COX4I1: variants seen among roughly 807,000 people sequenced by gnomAD.
COX4I1 encodes the protein cytochrome c oxidase subunit 4 isoform 1, mitochondrial.
COX4I1 carries 18 observed loss-of-function variants against 21.7 expected under a neutral mutation model. The ratio of observed to expected loss-of-function variants is 0.83; its 90% CI spans 0.57 to 1.23. The LOEUF is 1.23. COX4I1 is among the 50% of genes most tolerant of loss of function. COX4I1 has a pLI of 0.00. For missense variants in COX4I1, 238 were observed against 220.7 expected, an observed-to-expected ratio of 1.08 and a Z score of -0.50; for synonymous variants, 100 against 81.5, an observed-to-expected ratio of 1.23 and a Z score of -1.23.
intron 3 of COX4I1, 150 bp downstream of exon 3, chr16:85,805,254 C>T (rs551652307): frequency 6.7e-6 from 5 of 743,724 alleles, no homozygotes; most frequent in South Asian, 2.0e-5. Flanking sequence ...GTGCCAGGGC[C>T]CCAGTTTATG....
At chr16:85,805,307 G>C (rs901366486) in intron 3 of COX4I1, 12 of 582,160 alleles carry the variant, frequency 2.1e-5, no homozygotes, top group Non-Finnish European at 3.0e-5. Flanking sequence ...AGGATCTTTT[G>C]CTAGGCCCCC....
At chr16:85,802,277 C>T (rs545147795) in intron 2 of COX4I1, among the ~76,000 whole-genome samples, 1 of 152,330 alleles carries the variant, frequency 6.6e-6, no homozygotes, top group Non-Finnish European at 1.5e-5. Context: ...CTCTCCTGAC[C>T]ATCCTTTCTC....
chr16:85,801,332 C>T (rs1315645113), intron 2 of COX4I1, 54 bp downstream of exon 2: 2 of 1,510,032 alleles, frequency 1.3e-6, no homozygotes, highest in Non-Finnish European at 1.8e-6. Flanking sequence ...CATTTTGCTC[C>T]TGCTGTGTAT....
intron 2 of COX4I1, among the ~76,000 whole-genome samples, 172 bp downstream of exon 2, chr16:85,801,450 A>T (rs1400290094): frequency 6.6e-6 from 1 of 152,196 alleles, no homozygotes. Flanking sequence ...AGTGTTTATA[A>T]GTCAAATTGA....
At chr16:85,805,313 C>T in intron 3 of COX4I1, 1 of 561,458 alleles carries the variant, frequency 1.8e-6, no homozygotes, top group South Asian at 2.3e-5. Context: ...TTTTGCTAGG[C>T]CCCCTTCTCT....
In COX4I1 at chr16:85,799,970, C is replaced by T. The variant is rs1172275645; in HGVS notation, c.-2+218C>T. 1.3e-5 allele frequency: 2 copies of T among 152,212 alleles called. No individual in the cohort carries two copies. Among genetic ancestry groups the T allele is most frequent in the African/African-American group, 2.4e-5 (1 of 41,464 alleles). The allele number at this position is 152,212 out of a possible 1,614,324, so 9.4% of individuals were successfully genotyped here. ...CCCCGAAGTGCCCGGTCCATCTTAC[C>T]CGGTCTCGCAGCGGCTGCGGACCGG... On this transcript the variant is annotated intron_variant, in intron 1 of 4. Transcript: ENST00000253452. The surrounding 1 kb of genome is among the most constrained non-coding windows in gnomAD (Gnocchi z 4.2).
In COX4I1 at chr16:85,804,988, G is replaced by A. The variant is rs201313443; in HGVS notation, c.125G>A (p.Arg42His). The change falls in exon 3 of 5, where the codon CGT (arginine) becomes CAT (histidine). Residue 42 changes from arginine to histidine, a missense_variant. Transcript: ENST00000253452. ...DFSLPAYMDR[R>H]DHPLPEVAHV... Reference sequence around the variant, plus strand: ...TCGCTCCCAGCTTATATGGATCGGCGTGACCACCCCTTGCCGGAGGTGGCC... The same window carrying A: ...TCGCTCCCAGCTTATATGGATCGGCATGACCACCCCTTGCCGGAGGTGGCC... 9 of 1,614,118 alleles carry A rather than the reference G, an allele frequency of 5.6e-6. No individual in the cohort carries two copies. Among genetic ancestry groups the A allele is most frequent in the African/African-American group, 1.3e-5 (1 of 75,038 alleles).
chr16:85,800,395 G>A (rs1389531440), intron 1 of COX4I1, among the ~76,000 whole-genome samples: 1 of 152,202 alleles, frequency 6.6e-6, no homozygotes, highest in African/African-American at 2.4e-5. Context: ...CTCTCCTCAG[G>A]GATTGGAAAT....
intron 2 of COX4I1, 85 bp from the exon 3 acceptor site, chr16:85,804,852 C>G: frequency 7.9e-7 from 1 of 1,257,976 alleles, no homozygotes; most frequent in Non-Finnish European, 1.1e-6. Context: ...GTGCACATGT[C>G]TGTGTTTCGG....
intron 2 of COX4I1, among the ~76,000 whole-genome samples, chr16:85,802,102 C>T (rs1459540253): frequency 1.3e-5 from 2 of 152,182 alleles, no homozygotes; most frequent in Non-Finnish European, 2.9e-5. Context: ...TTATTACTGA[C>T]TGTTGTACTC....
At chr16:85,803,965 GTTTA>G (rs1905967593) in intron 2 of COX4I1, 1 of 152,236 alleles carries the variant, frequency 6.6e-6, no homozygotes, top group Non-Finnish European at 1.5e-5. Flanking sequence ...CATTTGTTAT[GTTTA>G]TTGTTTGTTT....
intron 2 of COX4I1, chr16:85,803,817 A>C (rs975136804): frequency 6.6e-6 from 1 of 152,236 alleles, no homozygotes; most frequent in Non-Finnish European, 1.5e-5. Flanking sequence ...TCCTGAGTGC[A>C]CGCTTCCTCT....
intron 2 of COX4I1, among the ~76,000 whole-genome samples, chr16:85,802,669 A>G (rs1264487439): frequency 6.6e-6 from 1 of 152,242 alleles, no homozygotes; most frequent in Admixed American, 6.5e-5. Context: ...TCCCCAGCAG[A>G]GGCTCAACAG....
intron 3 of COX4I1, chr16:85,805,378 G>A: frequency 1.9e-6 from 1 of 516,944 alleles, no homozygotes. Context: ...ATAGTTAACT[G>A]TAAATTATTG....
rs751992713 is a variant in COX4I1 at position 85,805,724 on chromosome 16, T to C, written c.242-9T>C. Reference sequence around the variant, plus strand: ...TGTGCCTGTAAATGGCTGTCCTCTCTGCCCCCAGTGTATCGCATTAAGTTC... The same window carrying C: ...TGTGCCTGTAAATGGCTGTCCTCTCCGCCCCCAGTGTATCGCATTAAGTTC... On this transcript the variant is annotated splice_polypyrimidine_tract_variant and intron_variant, in intron 3 of 4. Coordinates refer to ENST00000253452, the MANE Select transcript of COX4I1 (RefSeq NM_001861.6). The C allele has an allele frequency of 3.7e-6, 6 of 1,613,916 alleles. No individual in the cohort carries two copies. In the Admixed American group the frequency reaches 8.3e-5, roughly 22 times the overall value.
At position 85,802,510 on chromosome 16, in the gene COX4I1, CT is replaced by C. The variant is rs1905846277; in HGVS notation, c.73+1234del. On this transcript the variant is annotated intron_variant, in intron 2 of 4. Transcript: ENST00000253452. ...ACAAGTCTTCTCTGTTAAGTTATAACTTACGTAAGTCATACATGAATAATAC... is the reference window on the plus strand; with the variant it reads ...ACAAGTCTTCTCTGTTAAGTTATAACTACGTAAGTCATACATGAATAATAC... Among the ~76,000 whole-genome samples the C allele has an allele frequency of 2.0e-5, 3 of 151,300 alleles. No individual in the cohort carries two copies. The Admixed American group carries it at 2.0e-4, about 10-fold the overall frequency.
chr16:85,801,073 T>G, intron 1 of COX4I1, 132 bp from the exon 2 acceptor site: 1 of 651,916 alleles, frequency 1.5e-6, no homozygotes, highest in Non-Finnish European at 2.8e-6. Context: ...TCAGAGACAG[T>G]GATAAAGAAT....
intron 4 of COX4I1, 127 bp from the exon 5 acceptor site, chr16:85,806,611 T>C: frequency 7.5e-7 from 1 of 1,331,930 alleles, no homozygotes; most frequent in Non-Finnish European, 1.1e-6. Flanking sequence ...TTTGAGCGGG[T>C]GTTGAGTGGC....
chr16:85,801,112 A>C, intron 1 of COX4I1, 93 bp from the exon 2 acceptor site: 3 of 1,081,012 alleles, frequency 2.8e-6, no homozygotes, highest in Non-Finnish European at 4.2e-6. Flanking sequence ...AGAAGCAAAC[A>C]AAAAAATTCC....
Sources: allele counts gnomAD v4.1 joint callset (sites outside exome capture counted in the v4.1 genomes callset), GRCh38; gene constraint gnomAD v4.1.1; non-coding constraint Gnocchi (gnomAD v3.1); transcripts MANE v1.5; gene names NCBI Gene and HGNC (gene_info 2026-07-23, HGNC 2026-07-21).